Variants in PLCH1 observed in about 807,000 individuals in gnomAD.
PLCH1 encodes phospholipase C eta 1.
Under a neutral mutation model 126.7 loss-of-function variants are expected in PLCH1, and 60 were observed. The ratio of observed to expected loss-of-function variants is 0.47; its 90% CI spans 0.38 to 0.59. The LOEUF is 0.59. PLCH1 is among the 20% of genes least tolerant of loss of function. PLCH1 has a pLI of 0.00. For synonymous variants in PLCH1, 719 were observed against 734.9 expected, an observed-to-expected ratio of 0.98 and a Z score of 0.35; for missense variants, 1,723 against 2,040.0, an observed-to-expected ratio of 0.84 and a Z score of 2.99.
chr3:155,629,794 C>T (rs567593904), intron 2 of PLCH1, among the ~76,000 whole-genome samples: 3 of 152,336 alleles, frequency 2.0e-5, no homozygotes, highest in African/African-American at 4.8e-5. Context: ...CAGCCTCTCC[C>T]TCCTGCCCTT....
chr3:155,717,562 A>G (rs995681409), intron 1 of PLCH1, among the ~76,000 whole-genome samples: 1 of 152,248 alleles, frequency 6.6e-6, no homozygotes, highest in Non-Finnish European at 1.5e-5. Flanking sequence ...GGAAGCCACC[A>G]AAGCTTATGG....
At chr3:155,735,271 GGAA>G (rs1463496890) in intron 1 of PLCH1, among the ~76,000 whole-genome samples, 1 of 152,056 alleles carries the variant, frequency 6.6e-6, no homozygotes, top group African/African-American at 2.4e-5. Flanking sequence ...TTAGATAGGG[GGAA>G]GAAGTTCAAG....
chr3:155,631,902 CTTTTTT>C (rs60843505), intron 2 of PLCH1, among the ~76,000 whole-genome samples: 4 of 140,834 alleles, frequency 2.8e-5, no homozygotes, highest in Admixed American at 7.1e-5. Flanking sequence ...ACAAGAACTC[CTTTTTT>C]TTTTTTTTTT....
chr3:155,559,785 G>T (rs138184060), intron 8 of PLCH1, among the ~76,000 whole-genome samples: 2 of 152,078 alleles, frequency 1.3e-5, no homozygotes, highest in African/African-American at 2.4e-5. Context: ...TTACAGCAGC[G>T]ACTGGAAAAC....
intron 2 of PLCH1, among the ~76,000 whole-genome samples, chr3:155,671,485 T>C (rs900358772): frequency 3.3e-5 from 5 of 152,218 alleles, no homozygotes; most frequent in Non-Finnish European, 5.9e-5. Context: ...GTGAACTTTG[T>C]TTATTGATAT....
intron 2 of PLCH1, among the ~76,000 whole-genome samples, chr3:155,606,421 T>G (rs925967): frequency 0.17 from 25,729 of 152,192 alleles, 2,557 homozygotes; most frequent in African/African-American, 0.27. Context: ...CTTGATCTTT[T>G]TTACTTTGGG....
At chr3:155,520,577 A>T (rs1720952863) in intron 11 of PLCH1, among the ~76,000 whole-genome samples, 1 of 152,232 alleles carries the variant, frequency 6.6e-6, no homozygotes, top group Admixed American at 6.5e-5. Context: ...AAGCAGAAAA[A>T]AATTAATGAA....
At chr3:155,684,176 C>T (rs183962787) in intron 2 of PLCH1, among the ~76,000 whole-genome samples, 43 of 152,210 alleles carry the variant, frequency 2.8e-4, no homozygotes, top group African/African-American at 9.9e-4. Flanking sequence ...TAACGCAAAC[C>T]CCCTACCCCC....
chr3:155,479,413 T>C (rs1713697835), downstream of PLCH1, among the ~76,000 whole-genome samples: 1 of 152,088 alleles, frequency 6.6e-6, no homozygotes, highest in African/African-American at 2.4e-5. Context: ...CCCCCAACCT[T>C]GGGGAAAAGC....
intron 10 of PLCH1, among the ~76,000 whole-genome samples, chr3:155,542,132 C>A (rs1257099326): frequency 6.6e-6 from 1 of 152,184 alleles, no homozygotes; most frequent in Non-Finnish European, 1.5e-5. Flanking sequence ...CTTTCCCAGT[C>A]AAAGAAAGGG....
At chr3:155,479,178 C>T (rs1713681083), downstream of PLCH1, among the ~76,000 whole-genome samples, 1 of 152,140 alleles carries the variant, frequency 6.6e-6, no homozygotes, top group South Asian at 2.1e-4. Flanking sequence ...AAATTCTATT[C>T]TTTGGCAAGT....
At chr3:155,679,620 T>C (rs761240001) in intron 2 of PLCH1, among the ~76,000 whole-genome samples, 10 of 151,916 alleles carry the variant, frequency 6.6e-5, no homozygotes, top group Non-Finnish European at 1.2e-4. Context: ...TGAGATAAAC[T>C]CGGAGTGAAA....
intron 2 of PLCH1, among the ~76,000 whole-genome samples, chr3:155,652,342 A>G (rs895184684): frequency 6.6e-6 from 1 of 152,342 alleles, no homozygotes; most frequent in African/African-American, 2.4e-5. Context: ...CCAGCATCAC[A>G]TAGACAGCCA....
intron 2 of PLCH1, among the ~76,000 whole-genome samples, chr3:155,633,412 TCACACACACACACA>T (rs59152066): frequency 0.29 from 41,864 of 142,160 alleles, 6,412 homozygotes; most frequent in East Asian, 0.43. Flanking sequence ...TTATATAACA[TCACACACACACACA>T]CACACACACA....
At chr3:155,656,810 A>G (rs1363368397) in intron 2 of PLCH1, among the ~76,000 whole-genome samples, 1 of 152,200 alleles carries the variant, frequency 6.6e-6, no homozygotes, top group Non-Finnish European at 1.5e-5. Context: ...ATCAGATAAG[A>G]AAAAAACAAT....
chr3:155,578,981 C>T (rs372909922), intron 6 of PLCH1, among the ~76,000 whole-genome samples: 1 of 152,120 alleles, frequency 6.6e-6, no homozygotes, highest in Admixed American at 6.6e-5. Context: ...TGTGAACAAA[C>T]ACGCCTTACT....
intron 2 of PLCH1, among the ~76,000 whole-genome samples, chr3:155,692,658 A>G (rs1167778489): frequency 6.0e-5 from 9 of 151,158 alleles, no homozygotes; most frequent in Non-Finnish European, 4.4e-5. Context: ...TGCTTTTCCT[A>G]CTCTCTCCCG....
chr3:155,511,540 A>C (rs1193300503), intron 12 of PLCH1, among the ~76,000 whole-genome samples: 1 of 129,118 alleles, frequency 7.7e-6, no homozygotes, highest in African/African-American at 3.5e-5. Flanking sequence ...TTCGGTGTAG[A>C]TGTCCTTTCT....
chr3:155,694,156 T>C (rs371789), intron 2 of PLCH1, among the ~76,000 whole-genome samples: 11 of 152,116 alleles, frequency 7.2e-5, no homozygotes, highest in Admixed American at 7.2e-4. Flanking sequence ...AATAGTTCTG[T>C]TGAGAAAATA....
Sources: allele counts gnomAD v4.1 joint callset (sites outside exome capture counted in the v4.1 genomes callset), GRCh38; gene constraint gnomAD v4.1.1; transcripts MANE v1.5; gene names NCBI Gene and HGNC (gene_info 2026-07-23, HGNC 2026-07-21).